Variants in DTNA observed in about 807,000 individuals in gnomAD.
DTNA encodes dystrobrevin alpha.
In DTNA, 43 loss-of-function variants were observed where a neutral mutation model predicts 100.7. The ratio of observed to expected loss-of-function variants is 0.43; its 90% CI spans 0.33 to 0.55. The LOEUF is 0.55. Among genes scored for constraint, DTNA ranks in the 20% least tolerant of loss-of-function variants. The probability of loss-of-function intolerance (pLI) is 0.04; values close to 1 mark genes in which losing one functional copy is unlikely to be tolerated. For missense variants in DTNA, 798 were observed against 953.9 expected (o/e 0.84, Z 2.15); for synonymous variants, 349 against 347.9 (o/e 1.00, Z -0.04).
intron 1 of DTNA, among the ~76,000 whole-genome samples, chr18:34,535,243 G>T (rs967306487): frequency 5.9e-5 from 9 of 152,160 alleles, no homozygotes; most frequent in African/African-American, 2.2e-4. Context: ...CTAATGACCA[G>T]TGATGATGAG....
At chr18:34,496,560 A>G (rs2039254804) in intron 1 of DTNA, among the ~76,000 whole-genome samples, 1 of 152,196 alleles carries the variant, frequency 6.6e-6, no homozygotes, top group Admixed American at 6.5e-5. Context: ...AAAGAATTGT[A>G]CTGCTTCTGC....
intron 1 of DTNA, among the ~76,000 whole-genome samples, chr18:34,751,740 C>T (rs949579190): frequency 2.0e-5 from 3 of 152,160 alleles, no homozygotes; most frequent in Non-Finnish European, 2.9e-5. Context: ...AAATAAACTA[C>T]TACATCTTAC....
At chr18:34,505,159 A>T (rs1436704406) in intron 1 of DTNA, among the ~76,000 whole-genome samples, 1 of 152,210 alleles carries the variant, frequency 6.6e-6, no homozygotes, top group Non-Finnish European at 1.5e-5. Flanking sequence ...GTTCTAAGGA[A>T]TAATCTATTA....
At position 34,545,996 on chromosome 18, in the gene DTNA, C is replaced by T. The variant is rs558654642; in HGVS notation, c.-2+52482C>T. 4.6e-5 allele frequency among the ~76,000 whole-genome samples: 7 copies of T among 152,152 alleles called. No individual in the cohort carries two copies. The South Asian group carries it at 1.5e-3, about 32-fold the overall frequency. Reference sequence around the variant, plus strand: ...TGTTCAGAGATCATTCATTAAGGATCTATGGGAGGCTCGGCTCTGTAGTAC... The same window carrying T: ...TGTTCAGAGATCATTCATTAAGGATTTATGGGAGGCTCGGCTCTGTAGTAC... On this transcript the variant is annotated intron_variant, in intron 1 of 19. Coordinates refer to the DTNA transcript ENST00000283365.
chr18:34,823,304 T>A (rs2095772313), intron 9 of DTNA, among the ~76,000 whole-genome samples: 1 of 152,222 alleles, frequency 6.6e-6, no homozygotes, highest in African/African-American at 2.4e-5. Flanking sequence ...TTAATGAATA[T>A]TCACACTTCT....
At chr18:34,519,593 CAT>C (rs2041972864) in intron 1 of DTNA, among the ~76,000 whole-genome samples, 1 of 152,106 alleles carries the variant, frequency 6.6e-6, no homozygotes, top group Non-Finnish European at 1.5e-5. Context: ...AGGTTTAGCA[CAT>C]GTTAGTTCCT....
intron 3 of DTNA, among the ~76,000 whole-genome samples, chr18:34,790,266 C>T (rs1264354565): frequency 6.6e-6 from 1 of 152,032 alleles, no homozygotes; most frequent in African/African-American, 2.4e-5. Context: ...GGGAAACAGA[C>T]AAACTGTTGG....
chr18:34,549,126 C>G (rs1305551840), intron 1 of DTNA, among the ~76,000 whole-genome samples: 1 of 152,076 alleles, frequency 6.6e-6, no homozygotes. Flanking sequence ...CTTTCTCTCT[C>G]TCTGCTCCCA....
At chr18:34,879,910 T>C (rs771040969) in intron 20 of DTNA, among the ~76,000 whole-genome samples, 191 bp downstream of exon 20, 1 of 152,150 alleles carries the variant, frequency 6.6e-6, no homozygotes, top group African/African-American at 2.4e-5. Flanking sequence ...CTCTTACAAT[T>C]TCCAGAGAGT....
intron 1 of DTNA, among the ~76,000 whole-genome samples, chr18:34,544,878 G>A (rs149532119): frequency 9.2e-4 from 139 of 151,824 alleles, no homozygotes; most frequent in African/African-American, 3.1e-3. Context: ...TTACCAAAAG[G>A]GGCCCTTAGG....
chr18:34,869,952 C>T (rs1296630582), intron 17 of DTNA, among the ~76,000 whole-genome samples: 3 of 152,122 alleles, frequency 2.0e-5, no homozygotes, highest in African/African-American at 7.2e-5. Context: ...ACCCGGGAGG[C>T]GGAGCTTGCA....
At chr18:34,779,032 G>A (rs575578770) in intron 3 of DTNA, among the ~76,000 whole-genome samples, 19 of 151,672 alleles carry the variant, frequency 1.3e-4, no homozygotes, top group African/African-American at 3.9e-4. Flanking sequence ...CCATGTTAGC[G>A]GGAAAGTATT....
chr18:34,578,609 T>G (rs932733628), intron 1 of DTNA, among the ~76,000 whole-genome samples: 1 of 152,186 alleles, frequency 6.6e-6, no homozygotes, highest in Non-Finnish European at 1.5e-5. Flanking sequence ...AAGATCTTAC[T>G]TAAGGCCTTG....
At chr18:34,503,998 C>T (rs1464051710) in intron 1 of DTNA, 1 of 151,798 alleles carries the variant, frequency 6.6e-6, no homozygotes, top group Non-Finnish European at 1.5e-5. Flanking sequence ...ACCACACTGG[C>T]TAATTTTATT....
intron 3 of DTNA, among the ~76,000 whole-genome samples, chr18:34,775,624 C>T (rs1224319904): frequency 6.6e-6 from 1 of 152,236 alleles, no homozygotes; most frequent in Non-Finnish European, 1.5e-5. Flanking sequence ...GTGCCACATG[C>T]TCAATCACTA....
chr18:34,680,416 C>T (rs966073069), intron 1 of DTNA, among the ~76,000 whole-genome samples: 1 of 152,122 alleles, frequency 6.6e-6, no homozygotes, highest in Admixed American at 6.6e-5. Flanking sequence ...TCCACCTCCT[C>T]CTAAGTCTAG....
At chr18:34,624,542 A>G (rs1466624468) in intron 1 of DTNA, among the ~76,000 whole-genome samples, 3 of 152,222 alleles carry the variant, frequency 2.0e-5, no homozygotes, top group Non-Finnish European at 2.9e-5. Flanking sequence ...ATGCCAATAT[A>G]ATTTCAAGTA....
At chr18:34,824,541 C>G (rs547048452) in intron 9 of DTNA, among the ~76,000 whole-genome samples, 1 of 152,024 alleles carries the variant, frequency 6.6e-6, no homozygotes, top group Middle Eastern at 3.4e-3. Context: ...CCTGCAGGTT[C>G]TGCACATGTA....
In DTNA at chr18:34,889,275, G is replaced by A; in HGVS notation, c.*1541G>A. 1 of 984,262 alleles carries A rather than the reference G, an allele frequency of 1.0e-6. No individual in the cohort carries two copies. Among genetic ancestry groups the A allele is most frequent in the Non-Finnish European group, 1.2e-6 (1 of 828,904 alleles). 61.0% of individuals were successfully genotyped at this position (984,262 alleles called of 1,614,324 possible). A position where few individuals can be genotyped will look rare whatever the true frequency, so the allele number is the denominator to read the frequency against. ...TGTGTTCCCCGGACAAGCAGCATCT[G>A]CAACACTTAGGAAGGTCTTCGAAAT... On this transcript the variant is annotated 3_prime_UTR_variant, in exon 23 of 23. Coordinates refer to ENST00000444659, the MANE Select transcript of DTNA (RefSeq NM_001386795.1).
Sources: allele counts gnomAD v4.1 joint callset (sites outside exome capture counted in the v4.1 genomes callset), GRCh38; gene constraint gnomAD v4.1.1; transcripts MANE v1.5; gene names NCBI Gene and HGNC (gene_info 2026-07-23, HGNC 2026-07-21).